The following IQCJ variants were observed in gnomAD, a reference collection of about 807,000 sequenced individuals.
IQCJ encodes IQ motif containing J, also known as IQ domain-containing protein J.
IQCJ carries 9 observed loss-of-function variants against 11.0 expected under a neutral mutation model. The ratio of observed to expected loss-of-function variants is 0.82; its 90% CI spans 0.49 to 1.43. The LOEUF (loss-of-function observed/expected upper bound fraction) is 1.43. Among genes scored for constraint, IQCJ ranks in the 40% most tolerant of loss-of-function variants. The pLI, the probability that IQCJ is intolerant of heterozygous loss-of-function variation, is 0.00. For missense variants in IQCJ, 146 were observed against 133.2 expected, an observed-to-expected ratio of 1.10 and a Z score of -0.47; for synonymous variants, 55 against 51.3, an observed-to-expected ratio of 1.07 and a Z score of -0.31.
intron 1 of IQCJ, among the ~76,000 whole-genome samples, chr3:159,140,683 C>T (rs1720550841): frequency 6.6e-6 from 1 of 152,188 alleles, no homozygotes; most frequent in Admixed American, 6.5e-5. Flanking sequence ...GAATTTGCTA[C>T]ACAGCAACTG....
chr3:159,207,323 G>C (rs1724708223), intron 1 of IQCJ, among the ~76,000 whole-genome samples: 1 of 152,098 alleles, frequency 6.6e-6, no homozygotes, highest in African/African-American at 2.4e-5. Context: ...AGTGGCCACA[G>C]CATTCAACTG....
At chr3:159,209,337 T>C (rs1724822170) in intron 1 of IQCJ, among the ~76,000 whole-genome samples, 1 of 152,160 alleles carries the variant, frequency 6.6e-6, no homozygotes, top group Non-Finnish European at 1.5e-5. Flanking sequence ...GATCACTTTC[T>C]TCTCGCACCA....
intron 1 of IQCJ, among the ~76,000 whole-genome samples, chr3:159,112,504 TA>T (rs1718692239): frequency 1.3e-5 from 2 of 152,300 alleles, no homozygotes; most frequent in African/African-American, 4.8e-5. Context: ...CATATAGAAC[TA>T]ATACATCCCT....
intron 1 of IQCJ, among the ~76,000 whole-genome samples, chr3:159,202,638 C>G (rs1281283112): frequency 6.6e-6 from 1 of 152,118 alleles, no homozygotes; most frequent in African/African-American, 2.4e-5. Flanking sequence ...TCTATAGTGG[C>G]AAGCTAAGCA....
At chr3:159,200,269 G>GA (rs1302669156) in intron 1 of IQCJ, among the ~76,000 whole-genome samples, 9 of 151,750 alleles carry the variant, frequency 5.9e-5, no homozygotes, top group Non-Finnish European at 1.3e-4. Context: ...CTTATCTCTT[G>GA]ATTAAGAGGC....
chr3:159,258,918 C>T (rs1007131982), intron 3 of IQCJ, among the ~76,000 whole-genome samples: 1 of 152,114 alleles, frequency 6.6e-6, no homozygotes, highest in Non-Finnish European at 1.5e-5. Context: ...TCTCTGGGAT[C>T]CTCCTGCTTC....
rs139716070 is a variant in IQCJ at position 159,214,026 on chromosome 3, C to T, written c.10-31817C>T. On this transcript the variant is annotated intron_variant, in intron 1 of 3. Transcript: ENST00000397832. ...TTTTAGTTCTTACTTGACACACTTT[C>T]CCTGGGAAATCCTATTCATTCCTAT... is the stretch of plus-strand genomic sequence containing the variant. 3.2e-3 allele frequency among the ~76,000 whole-genome samples: 491 copies of T among 152,276 alleles called. 1 individual carries two copies. The highest frequency in any genetic ancestry group is 5.4e-3 in the Non-Finnish European group (370 of 68,016).
chr3:159,223,847 C>A (rs1200220018), intron 1 of IQCJ, among the ~76,000 whole-genome samples: 1 of 152,082 alleles, frequency 6.6e-6, no homozygotes, highest in Admixed American at 6.6e-5. Context: ...TATAAAATTA[C>A]CTCAGGCTAT....
intron 1 of IQCJ, among the ~76,000 whole-genome samples, chr3:159,168,251 G>A (rs1722286769): frequency 1.3e-5 from 2 of 152,106 alleles, no homozygotes; most frequent in South Asian, 4.1e-4. Flanking sequence ...CCTAGAAAAG[G>A]ACTAGGCTGG....
chr3:159,201,321 A>T (rs1724313762), intron 1 of IQCJ, among the ~76,000 whole-genome samples: 1 of 152,222 alleles, frequency 6.6e-6, no homozygotes, highest in African/African-American at 2.4e-5. Flanking sequence ...TCTTTTGAAA[A>T]GTGAAGATTT....
At chr3:159,156,775 G>A (rs1316514519) in intron 1 of IQCJ, among the ~76,000 whole-genome samples, 2 of 152,054 alleles carry the variant, frequency 1.3e-5, no homozygotes, top group Non-Finnish European at 2.9e-5. Context: ...TAGAAGAAGG[G>A]TTCTAGTACT....
At chr3:159,208,644 G>T (rs1199091046) in intron 1 of IQCJ, among the ~76,000 whole-genome samples, 1 of 152,070 alleles carries the variant, frequency 6.6e-6, no homozygotes, top group Non-Finnish European at 1.5e-5. Context: ...AATTGTGAGG[G>T]GTCTTTGGAT....
chr3:159,261,972 G>A (rs920550843), intron 3 of IQCJ, among the ~76,000 whole-genome samples: 18 of 152,116 alleles, frequency 1.2e-4, no homozygotes, highest in Non-Finnish European at 5.9e-5. Flanking sequence ...TGGTGCTCTC[G>A]CCTGCCTTGT....
chr3:159,198,733 G>A (rs1577075200), intron 1 of IQCJ, among the ~76,000 whole-genome samples: 1 of 152,144 alleles, frequency 6.6e-6, no homozygotes, highest in Non-Finnish European at 1.5e-5. Flanking sequence ...AAATTGGTTG[G>A]TATGAGATTC....
At chr3:159,249,617 T>C (rs957686804) in intron 2 of IQCJ, among the ~76,000 whole-genome samples, 3 of 152,224 alleles carry the variant, frequency 2.0e-5, no homozygotes, top group Admixed American at 6.5e-5. Context: ...TTGAATGCTG[T>C]CAAATTTGAT....
intron 1 of IQCJ, among the ~76,000 whole-genome samples, chr3:159,203,584 C>T (rs1261621450): frequency 6.6e-6 from 1 of 151,982 alleles, no homozygotes; most frequent in Non-Finnish European, 1.5e-5. Context: ...ATAGTCTCCA[C>T]AAGGCACTGT....
At chr3:159,091,333 G>T (rs1173897964) in intron 1 of IQCJ, among the ~76,000 whole-genome samples, 1 of 151,660 alleles carries the variant, frequency 6.6e-6, no homozygotes, top group African/African-American at 2.4e-5. Context: ...GTGCTGACAC[G>T]GTTGGGCTCT....
At chr3:159,250,665 G>A (rs1577115096) in intron 2 of IQCJ, among the ~76,000 whole-genome samples, 1 of 152,272 alleles carries the variant, frequency 6.6e-6, no homozygotes, top group East Asian at 1.9e-4. Context: ...CAGATCTTGT[G>A]AGAACTCACT....
intron 1 of IQCJ, chr3:159,070,121 A>C: frequency 6.0e-6 from 1 of 165,484 alleles, no homozygotes. Context: ...GATGGGGTAG[A>C]TTTGCTATAG....
Sources: gnomAD v4.1 joint callset for allele counts (sites outside exome capture counted in the v4.1 genomes callset) on GRCh38, gnomAD v4.1.1 for gene constraint, MANE v1.5 for transcripts, NCBI Gene and HGNC (gene_info 2026-07-23, HGNC 2026-07-21) for gene names.